WIPF3: variants seen among roughly 807,000 people sequenced by gnomAD.
The protein encoded by WIPF3 is WAS/WASL interacting protein family member 3.
WIPF3 carries 33 observed loss-of-function variants against 38.9 expected under a neutral mutation model. The observed-to-expected ratio is 0.85, with a 90% CI of 0.64 to 1.14. The LOEUF (loss-of-function observed/expected upper bound fraction) is 1.14. Among genes scored for constraint, WIPF3 ranks in the 50% most tolerant of loss-of-function variants. The probability of loss-of-function intolerance (pLI) is 0.00; values close to 1 mark genes in which losing one functional copy is unlikely to be tolerated. For missense variants in WIPF3, 711 were observed against 652.5 expected, an observed-to-expected ratio of 1.09 and a Z score of -0.98; for synonymous variants, 324 against 269.3, an observed-to-expected ratio of 1.20 and a Z score of -1.99.
intron 8 of WIPF3, among the ~76,000 whole-genome samples, chr7:29,908,908 CA>C (rs59015755): frequency 0.072 from 5,970 of 82,782 alleles, 109 homozygotes; most frequent in Middle Eastern, 0.16. Context: ...AACTCCATCT[CA>C]AAAAAAAAAA....
chr7:29,912,864 C>T lies in WIPF3; in HGVS notation c.1429-1629C>T, dbSNP rs558369398. Among the ~76,000 whole-genome samples, 24 of 152,118 alleles carry T rather than the reference C, an allele frequency of 1.6e-4. No homozygotes were observed. In the South Asian group the frequency reaches 3.7e-3, roughly 24 times the overall value. ...ATGCCTCCATTTACCTAAGTACTTA[C>T]GGTAGTAGAAACAGCAAGTAGACTG... On this transcript the variant is annotated intron_variant, in intron 8 of 8. Coordinates refer to ENST00000242140, the MANE Select transcript of WIPF3 (RefSeq NM_001080529.3).
At chr7:29,875,752 G>T in intron 2 of WIPF3, 78 bp from the exon 3 acceptor site, 1 of 1,562,364 alleles carries the variant, frequency 6.4e-7, no homozygotes, top group Non-Finnish European at 8.7e-7. Context: ...AACTGCAAGA[G>T]GAGAAACTGA....
intron 2 of WIPF3, among the ~76,000 whole-genome samples, chr7:29,845,342 C>A (rs2128067556): frequency 6.6e-6 from 1 of 152,332 alleles, no homozygotes. Context: ...TGACAGCAGA[C>A]TGTGTTCTTA....
intron 2 of WIPF3, among the ~76,000 whole-genome samples, chr7:29,841,441 G>T (rs1174990301): frequency 6.6e-6 from 1 of 152,174 alleles, no homozygotes; most frequent in Non-Finnish European, 1.5e-5. Flanking sequence ...AAAGCCAGAC[G>T]GGCTCTCTTC....
chr7:29,851,531 T>C (rs900898124), intron 2 of WIPF3, among the ~76,000 whole-genome samples: 2 of 152,200 alleles, frequency 1.3e-5, no homozygotes, highest in Admixed American at 6.5e-5. Context: ...CAATATACTT[T>C]TGTGTTCCAG....
intron 1 of WIPF3, among the ~76,000 whole-genome samples, chr7:29,815,316 G>C (rs917284666): frequency 3.9e-5 from 6 of 152,130 alleles, no homozygotes; most frequent in African/African-American, 1.4e-4. Context: ...CATTTTAAAA[G>C]CTTTTGCTCG....
Position 29,876,553 on chromosome 7 carries a change from T to C in WIPF3, c.223+591T>C, listed in dbSNP as rs1785602179. On this transcript the variant is annotated intron_variant, in intron 3 of 8. Coordinates refer to ENST00000242140, the MANE Select transcript of WIPF3 (RefSeq NM_001080529.3). ...AGCTTCATAGATGTTGGAGCATGTA[T>C]CAGTACTTCACTCCTTTTATCATTG... Among the ~76,000 whole-genome samples the C allele has an allele frequency of 2.6e-5, 4 of 152,338 alleles. No individual in the cohort carries two copies. The South Asian group carries it at 8.3e-4, about 32-fold the overall frequency.
chr7:29,890,354 C>CAAAA, intron 7 of WIPF3, among the ~76,000 whole-genome samples: 1 of 50,668 alleles, frequency 2.0e-5, no homozygotes, highest in Admixed American at 2.1e-4. Context: ...TCTGTATCCA[C>CAAAA]AAAAAAAAAA....
At chr7:29,911,536 C>G (rs2128082084) in intron 8 of WIPF3, among the ~76,000 whole-genome samples, 1 of 152,058 alleles carries the variant, frequency 6.6e-6, no homozygotes, top group South Asian at 2.1e-4. Flanking sequence ...CTATAATAAT[C>G]AAAACAGTGT....
In WIPF3 at chr7:29,889,347, T is replaced by G. The variant is rs1283800342; in HGVS notation, c.1291T>G (p.Phe431Val). 2 of 1,614,010 alleles carry G rather than the reference T, an allele frequency of 1.2e-6. No individual in the cohort carries two copies. The highest frequency in any genetic ancestry group is 1.7e-6 in the Non-Finnish European group (2 of 1,179,876). The change falls in exon 7 of 9, where the codon TTT becomes GTT. Residue 431 changes from phenylalanine to valine, a missense_variant. By Grantham distance (50) the Phe-to-Val change is conservative. Transcript: ENST00000242140. ...SKFTFHSVED[F>V]PPPDEYKPCQ... is the part of the protein sequence containing the mutation. ...ATTCACGTTCCATTCTGTGGAAGAC[T>G]TTCCCCCTCCGGATGAATATAAACC...
chr7:29,850,907 C>T (rs1487644397), intron 2 of WIPF3, among the ~76,000 whole-genome samples: 1 of 152,238 alleles, frequency 6.6e-6, no homozygotes, highest in Admixed American at 6.5e-5. Flanking sequence ...ACCTCACTTT[C>T]CTCATCTGTG....
At chr7:29,889,878 G>A (rs1785968227) in intron 7 of WIPF3, among the ~76,000 whole-genome samples, 1 of 152,146 alleles carries the variant, frequency 6.6e-6, no homozygotes, top group South Asian at 2.1e-4. Flanking sequence ...AAATCCTGAA[G>A]GCCAGGTTAC....
chr7:29,914,565 T>C lies in WIPF3; in HGVS notation c.*49T>C, dbSNP rs1786569485. On this transcript the variant is annotated 3_prime_UTR_variant, in exon 9 of 9. Transcript: ENST00000242140. ...TGGGGTTCCAGGTTGCAGAACAACA[T>C]GTCAGACCCCACCCACCCCATGCTC... 7.0e-7 allele frequency: 1 copy of C among 1,425,438 alleles called. No individual in the cohort carries two copies. Among genetic ancestry groups the C allele is most frequent in the Non-Finnish European group, 9.3e-7 (1 of 1,072,724 alleles). 88.3% of individuals were successfully genotyped at this position (1,425,438 alleles called of 1,614,324 possible).
intron 2 of WIPF3, among the ~76,000 whole-genome samples, chr7:29,855,159 C>T (rs740142): frequency 0.12 from 17,837 of 152,196 alleles, 1,133 homozygotes; most frequent in Non-Finnish European, 0.15. Context: ...TAGGGGTAAA[C>T]GTATTTTTCT....
At chr7:29,902,939 A>T (rs567282007) in intron 7 of WIPF3, among the ~76,000 whole-genome samples, 1 of 152,264 alleles carries the variant, frequency 6.6e-6, no homozygotes, top group African/African-American at 2.4e-5. Context: ...ATGAATTTTT[A>T]AAATAGTTGA....
intron 2 of WIPF3, among the ~76,000 whole-genome samples, chr7:29,853,913 G>A (rs950219427): frequency 6.6e-6 from 1 of 152,212 alleles, no homozygotes; most frequent in African/African-American, 2.4e-5. Context: ...TGGAATTAAT[G>A]TGAACCGGTA....
chr7:29,819,594 T>C (rs138600472), intron 1 of WIPF3, among the ~76,000 whole-genome samples: 47 of 152,106 alleles, frequency 3.1e-4, no homozygotes, highest in African/African-American at 1.1e-3. Flanking sequence ...ATATTATTGT[T>C]ACTCATGTTT....
At chr7:29,903,557 CAG>C in intron 7 of WIPF3, among the ~76,000 whole-genome samples, 1 of 152,204 alleles carries the variant, frequency 6.6e-6, no homozygotes, top group South Asian at 2.1e-4. Context: ...GGTGTCCTAC[CAG>C]TGCAACAGAG....
chr7:29,871,967 T>C (rs527573504), intron 2 of WIPF3, among the ~76,000 whole-genome samples: 1 of 152,344 alleles, frequency 6.6e-6, no homozygotes, highest in South Asian at 2.1e-4. Flanking sequence ...AAAAGCTTTA[T>C]GTGAAACCCA....
Sources: gnomAD v4.1 joint callset for allele counts (sites outside exome capture counted in the v4.1 genomes callset) on GRCh38, gnomAD v4.1.1 for gene constraint, MANE v1.5 for transcripts, NCBI Gene and HGNC (gene_info 2026-07-23, HGNC 2026-07-21) for gene names.